The following RALGPS1 variants were observed in gnomAD, a reference collection of about 807,000 sequenced individuals.
RALGPS1 encodes Ral GEF with PH domain and SH3 binding motif 1.
Under a neutral mutation model 78.8 loss-of-function variants are expected in RALGPS1, and 19 were observed. That is an observed-to-expected ratio of 0.24 (90% CI 0.17 to 0.35). RALGPS1 has a LOEUF of 0.35. Ranked by LOEUF, RALGPS1 falls within the 10% of genes least tolerant of loss-of-function variation. The pLI, the probability that RALGPS1 is intolerant of heterozygous loss-of-function variation, is 1.00. For synonymous variants in RALGPS1, 228 were observed against 256.3 expected (o/e 0.89, Z 1.06); for missense variants, 454 against 688.3 (o/e 0.66, Z 3.81).
At chr9:127,003,748 G>A (rs2133692280) in intron 4 of RALGPS1, among the ~76,000 whole-genome samples, 1 of 151,728 alleles carries the variant, frequency 6.6e-6, no homozygotes, top group South Asian at 2.1e-4. Flanking sequence ...GGATACATGT[G>A]CAGGATGTGC....
At chr9:127,215,733 A>G (rs1156483347) in intron 18 of RALGPS1, among the ~76,000 whole-genome samples, 1 of 152,174 alleles carries the variant, frequency 6.6e-6, no homozygotes, top group East Asian at 1.9e-4. Context: ...AGAAATGGCT[A>G]CCTGAGCCCT....
At chr9:127,139,278 T>C (rs1178988539) in intron 8 of RALGPS1, among the ~76,000 whole-genome samples, 1 of 152,180 alleles carries the variant, frequency 6.6e-6, no homozygotes, top group African/African-American at 2.4e-5. Flanking sequence ...CATTCCTGGG[T>C]CACTCTGACT....
rs530588615 is a variant in RALGPS1, at chr9:126,923,000, C to T, written c.-66+8025C>T. Among the ~76,000 whole-genome samples, 13 of 152,278 alleles carry T rather than the reference C, an allele frequency of 8.5e-5. No individual in the cohort carries two copies. The South Asian group carries it at 1.2e-3, about 15-fold the overall frequency. On this transcript the variant is annotated intron_variant, in intron 1 of 18. Coordinates refer to ENST00000259351, the MANE Select transcript of RALGPS1 (RefSeq NM_014636.3). ...AGTACAGTCCCATCAGGTCATGGGC[C>T]GTGACTGTTTTGCCCACCAGCAGGT...
intron 8 of RALGPS1, among the ~76,000 whole-genome samples, chr9:127,111,100 T>C (rs2054765706): frequency 6.6e-6 from 1 of 152,154 alleles, no homozygotes. Context: ...CCCTCTCCCC[T>C]ACGATCATCT....
intron 2 of RALGPS1, among the ~76,000 whole-genome samples, chr9:126,963,381 G>A (rs1462050044): frequency 6.6e-6 from 1 of 152,034 alleles, no homozygotes; most frequent in Non-Finnish European, 1.5e-5. Flanking sequence ...ATATATTTGA[G>A]TGTGTATATA....
At position 127,097,381 on chromosome 9, in the gene RALGPS1, T is replaced by C. The variant is rs2053250100; in HGVS notation, c.610+28025T>C. 4.6e-5 allele frequency among the ~76,000 whole-genome samples: 7 copies of C among 152,404 alleles called. No individual in the cohort carries two copies. In the South Asian group the frequency reaches 1.4e-3, roughly 32 times the overall value. On this transcript the variant is annotated intron_variant, in intron 8 of 18. Transcript: ENST00000259351. Reference sequence around the variant, plus strand: ...TTTCTGCTGTTACAAAAAATGTGCATATGTGTCTGTACACGGAATTTCACA... The same window carrying C: ...TTTCTGCTGTTACAAAAAATGTGCACATGTGTCTGTACACGGAATTTCACA...
chr9:127,081,195 T>C (rs1233702450), intron 8 of RALGPS1, among the ~76,000 whole-genome samples: 1 of 152,140 alleles, frequency 6.6e-6, no homozygotes, highest in Admixed American at 6.5e-5. Context: ...TCCACCGTGT[T>C]TTATTTATGC....
Position 127,093,793 on chromosome 9 carries a change from G to A in RALGPS1, c.610+24437G>A, listed in dbSNP as rs377495452. On this transcript the variant is annotated intron_variant, in intron 8 of 18. Coordinates refer to ENST00000259351, the MANE Select transcript of RALGPS1 (RefSeq NM_014636.3). ...AGCCATCCAGGCGTCTCTGGATGAC[G>A]GTCCAGCCCCCGGGGTCGTGTCTCT... The A allele has an allele frequency of 5.0e-6, 8 of 1,613,896 alleles. 1 individual carries two copies. The Admixed American group carries it at 6.7e-5, about 13-fold the overall frequency.
intron 5 of RALGPS1, among the ~76,000 whole-genome samples, chr9:127,036,190 G>A (rs1181560786): frequency 6.6e-6 from 1 of 152,214 alleles, no homozygotes; most frequent in African/African-American, 2.4e-5. Flanking sequence ...TCTGGGAAAT[G>A]GTCTTCCTGC....
intron 4 of RALGPS1, among the ~76,000 whole-genome samples, chr9:127,003,899 CT>C (rs994995070): frequency 2.6e-5 from 4 of 152,144 alleles, no homozygotes; most frequent in African/African-American, 7.2e-5. Flanking sequence ...TCTGTCAGCA[CT>C]TTATGTTGTC....
chr9:126,953,299 T>G (rs2038032152), intron 1 of RALGPS1, among the ~76,000 whole-genome samples: 1 of 152,142 alleles, frequency 6.6e-6, no homozygotes, highest in Admixed American at 6.5e-5. Context: ...TGAGAATCAC[T>G]TTTTCTCCTG....
intron 11 of RALGPS1, among the ~76,000 whole-genome samples, chr9:127,191,382 A>C (rs538507480): frequency 7.2e-5 from 11 of 152,174 alleles, no homozygotes; most frequent in South Asian, 2.1e-4. Context: ...CTTGCTTAAC[A>C]TAAGGCAGGA....
intron 18 of RALGPS1, among the ~76,000 whole-genome samples, chr9:127,216,573 A>T (rs970257463): frequency 6.6e-6 from 1 of 152,230 alleles, no homozygotes; most frequent in African/African-American, 2.4e-5. Context: ...GGATGATCTC[A>T]TCTGTATAAA....
chr9:127,005,537 A>G (rs896889669), intron 4 of RALGPS1, among the ~76,000 whole-genome samples: 4 of 152,146 alleles, frequency 2.6e-5, no homozygotes, highest in Non-Finnish European at 4.4e-5. Context: ...TGGTTTCATC[A>G]GAGCCAGGCC....
In RALGPS1 at chr9:126,958,142, A is replaced by AATAT. The variant is rs1554765218; in HGVS notation, c.-65-4069_-65-4066dup. Among the ~76,000 whole-genome samples, 39 of 77,030 alleles carry AATAT rather than the reference A, an allele frequency of 5.1e-4. 1 individual carries two copies. Among genetic ancestry groups the AATAT allele is most frequent in the Admixed American group, 7.4e-4 (5 of 6,754 alleles). The allele number at this position is 77,030 out of a possible 152,430, so 50.5% of individuals were successfully genotyped here. A position where few individuals can be genotyped will look rare whatever the true frequency, so the allele number is the denominator to read the frequency against. ...CTGTCTCTTTAAAAAAAAAAAAAAA[A>AATAT]ATATATATATATATATACACACACA... On this transcript the variant is annotated intron_variant, in intron 1 of 18. Transcript: ENST00000259351.
At chr9:127,055,884 C>T (rs1397961927) in intron 7 of RALGPS1, among the ~76,000 whole-genome samples, 1 of 152,186 alleles carries the variant, frequency 6.6e-6, no homozygotes, top group Non-Finnish European at 1.5e-5. Flanking sequence ...GCCTTTGGGT[C>T]TCTGTCTTGG....
intron 11 of RALGPS1, among the ~76,000 whole-genome samples, chr9:127,186,866 G>A (rs1384784165): frequency 6.6e-6 from 1 of 152,204 alleles, no homozygotes; most frequent in East Asian, 1.9e-4. Context: ...GCAGATCCAG[G>A]CCTAGTCCTG....
intron 1 of RALGPS1, among the ~76,000 whole-genome samples, chr9:126,932,543 C>T (rs1588494903): frequency 6.6e-6 from 1 of 152,070 alleles, no homozygotes; most frequent in Non-Finnish European, 1.5e-5. Flanking sequence ...GTGGTACACT[C>T]CCATGATGGA....
intron 1 of RALGPS1, among the ~76,000 whole-genome samples, chr9:126,958,618 A>G (rs2038591579): frequency 6.6e-6 from 1 of 152,208 alleles, no homozygotes. Context: ...TTTGCTGGAT[A>G]GTGCTCCATC....
Sources: gnomAD v4.1 joint callset for allele counts (sites outside exome capture counted in the v4.1 genomes callset) on GRCh38, gnomAD v4.1.1 for gene constraint, MANE v1.5 for transcripts, NCBI Gene and HGNC (gene_info 2026-07-23, HGNC 2026-07-21) for gene names.